The following KIAA1210 variants were observed in gnomAD, a reference collection of about 807,000 sequenced individuals.
KIAA1210 encodes KIAA1210, also known as acrosomal protein KIAA1210.
Under a neutral mutation model 78.9 loss-of-function variants are expected in KIAA1210, and 48 were observed. The observed-to-expected ratio is 0.61, with a 90% CI of 0.48 to 0.77. The LOEUF (loss-of-function observed/expected upper bound fraction) is 0.77, where lower values mean the gene tolerates loss of function less well. Among genes scored for constraint, KIAA1210 ranks in the 30% least tolerant of loss-of-function variants. KIAA1210 has a pLI of 0.00. For missense variants in KIAA1210, 1,108 were observed against 1,100.0 expected, an observed-to-expected ratio of 1.01 and a Z score of -0.10; for synonymous variants, 406 against 404.5, an observed-to-expected ratio of 1.00 and a Z score of -0.04.
At chrX:119,112,742 G>T (rs1390947073) in intron 3 of KIAA1210, among the ~76,000 whole-genome samples, 1 of 111,920 alleles carries the variant, frequency 8.9e-6, no homozygotes, top group Non-Finnish European at 1.9e-5. Flanking sequence ...CCCATACATT[G>T]CTGGTGTTAA....
At chrX:119,099,621 G>A (rs1001919643) in intron 6 of KIAA1210, among the ~76,000 whole-genome samples, 2 of 112,119 alleles carry the variant, frequency 1.8e-5, no homozygotes, top group Non-Finnish European at 3.8e-5. Context: ...TATATGTTAT[G>A]ACTTCCCTTA....
intron 1 of KIAA1210, among the ~76,000 whole-genome samples, chrX:119,127,391 AG>A (rs1928678146): frequency 9.0e-6 from 1 of 111,344 alleles, no homozygotes; most frequent in Non-Finnish European, 1.9e-5. Context: ...ACAAAGAAAG[AG>A]GGCATCTTGG....
intron 7 of KIAA1210, chrX:119,094,198 T>A: frequency 4.1e-6 from 2 of 484,183 alleles, no homozygotes; most frequent in South Asian, 7.7e-5. Flanking sequence ...CAAATCCTTT[T>A]TGGCTTCTTT....
At chrX:119,131,328 G>A (rs191534427), upstream of KIAA1210, among the ~76,000 whole-genome samples, 68 of 111,497 alleles carry the variant, frequency 6.1e-4, 1 homozygote, top group Non-Finnish European at 4.0e-4. Flanking sequence ...TCACTTATAC[G>A]TGGGAGCTAA....
rs368202751 is a variant in KIAA1210, at chrX:119,086,312, A to AC, written c.4156+233_4156+234insG. 7.0e-3 allele frequency among the ~76,000 whole-genome samples: 786 copies of AC among 111,816 alleles called. 3 individuals are homozygous for AC. Among genetic ancestry groups the AC allele is most frequent in the Middle Eastern group, 0.027 (6 of 219 alleles). ...TGGTCATGTGTCTACTATGGAATGT[A>AC]GATGGATGTCCAGAGGGGGATCCCA... On this transcript the variant is annotated intron_variant, in intron 9 of 11. Transcript: ENST00000691062.
Position 119,096,576 on chromosome X carries a change from G to T in KIAA1210, c.764C>A (p.Thr255Asn), listed in dbSNP as rs2147176794. The T allele has an allele frequency of 8.3e-7, 1 of 1,211,592 alleles. No homozygotes were observed. The highest frequency in any genetic ancestry group is 2.2e-5 in the Admixed American group (1 of 46,062). ...LPIGFSTPAT[T>N]QGCLDSSAAR... ...AGCTGAAGAATCCAAACAGCCCTGG[G>T]TGGTGGCTGGGGTGCTGAAACCAAT... The change falls in exon 7 of 12, where the codon ACC becomes AAC. Residue 255 changes from threonine to asparagine, a missense_variant. Coordinates refer to ENST00000691062, the MANE Select transcript of KIAA1210 (RefSeq NM_001394962.1).
intron 2 of KIAA1210, among the ~76,000 whole-genome samples, chrX:119,118,724 A>G (rs1928353966): frequency 8.9e-6 from 1 of 112,410 alleles, no homozygotes; most frequent in African/African-American, 3.2e-5. Flanking sequence ...TCTTCTGAAC[A>G]CCTAAAACTT....
chrX:119,082,561 A>C (rs1252417006), intron 11 of KIAA1210, among the ~76,000 whole-genome samples: 1 of 112,663 alleles, frequency 8.9e-6, no homozygotes, highest in Admixed American at 9.4e-5. Context: ...CCTGCTCAGA[A>C]TACAGAGAAG....
upstream of KIAA1210, among the ~76,000 whole-genome samples, chrX:119,129,138 G>C (rs1419623992): frequency 8.9e-6 from 1 of 112,102 alleles, no homozygotes; most frequent in Non-Finnish European, 1.9e-5. Context: ...ACCCAGAATA[G>C]TGCCTAGAAT....
rs1926936349 is a variant in KIAA1210, at chrX:119,081,097, A to C, written c.*232T>G. ...GCCAACATGGTGAAACCCCGTCTCT[A>C]CTAAAAATACGAAAACAAAATTAGC... is the stretch of plus-strand genomic sequence containing the variant. On this transcript the variant is annotated 3_prime_UTR_variant, in exon 12 of 12. Transcript: ENST00000691062. The C allele has an allele frequency of 8.1e-6, 2 of 246,488 alleles. No individual in the cohort carries two copies. The highest frequency in any genetic ancestry group is 1.4e-4 in the East Asian group (2 of 14,665). 20.3% of individuals were successfully genotyped at this position (246,488 alleles called of 1,213,427 possible). A position where few individuals can be genotyped will look rare whatever the true frequency, so the allele number is the denominator to read the frequency against.
At position 119,109,255 on chromosome X, in the gene KIAA1210, A is replaced by C. The variant is rs764667151; in HGVS notation, c.231-53T>G. On this transcript the variant is annotated intron_variant, in intron 3 of 11. Coordinates refer to ENST00000691062, the MANE Select transcript of KIAA1210 (RefSeq NM_001394962.1). Reference sequence around the variant, plus strand: ...AGCAACCCAAGGGCCATGGGAACTGAAGACAAATGTATATTCATAATATGG... The same window carrying C: ...AGCAACCCAAGGGCCATGGGAACTGCAGACAAATGTATATTCATAATATGG... The C allele has an allele frequency of 5.7e-5, 63 of 1,107,517 alleles. 1 individual carries two copies. The South Asian group carries it at 1.2e-3, about 21-fold the overall frequency. The allele number at this position is 1,107,517 out of a possible 1,213,427, so 91.3% of individuals were successfully genotyped here. A position where few individuals can be genotyped will look rare whatever the true frequency, so the allele number is the denominator to read the frequency against.
chrX:119,108,352 G>A lies in KIAA1210; in HGVS notation c.477C>T (p.Gly159=), dbSNP rs1161578265. 1.7e-6 allele frequency: 2 copies of A among 1,207,275 alleles called. No individual in the cohort carries two copies. The highest frequency in any genetic ancestry group is 2.2e-6 in the Non-Finnish European group (2 of 894,158). ...ACTTTGTTACCTCAGTGATCTTGGGGCCAGCAACCCAGACTGCACTTGTAG... is the reference window on the plus strand; with the variant it reads ...ACTTTGTTACCTCAGTGATCTTGGGACCAGCAACCCAGACTGCACTTGTAG... The part of the protein sequence containing the change: ...NVPTSAVWVA[G]PKITENPPSR... The change falls in exon 5 of 12, where the codon GGC becomes GGT. Residue 159 remains glycine, a synonymous_variant. Transcript: ENST00000691062.
Position 119,089,404 on chromosome X carries a change from C to G in KIAA1210, c.1298G>C (p.Gly433Ala). 4 of 1,211,570 alleles carry G rather than the reference C, an allele frequency of 3.3e-6. No homozygotes were observed. Among genetic ancestry groups the G allele is most frequent in the Non-Finnish European group, 4.5e-6 (4 of 895,371 alleles). Residue 433 changes from glycine (G) to alanine (A), a missense_variant, in exon 9 of 12, where the codon GGG becomes GCG. By Grantham distance (60) the Gly-to-Ala change is moderately conservative. Coordinates refer to ENST00000691062, the MANE Select transcript of KIAA1210 (RefSeq NM_001394962.1). ...CATGTCATCTTTATCTGAAAGCAACCCCTGAGGGGTAGTGGTTTCTGGTTG... is the reference window on the plus strand; with the variant it reads ...CATGTCATCTTTATCTGAAAGCAACGCCTGAGGGGTAGTGGTTTCTGGTTG... ...TSQPETTTPQGLLSDKDDMGR... is the reference protein window; with the variant it reads ...TSQPETTTPQALLSDKDDMGR...
intron 3 of KIAA1210, among the ~76,000 whole-genome samples, chrX:119,114,364 A>T (rs1036501154): frequency 8.9e-6 from 1 of 112,236 alleles, no homozygotes; most frequent in African/African-American, 3.2e-5. Flanking sequence ...TCTGCTATCC[A>T]GGTGGCCCTG....
At position 119,088,040 on chromosome X, in the gene KIAA1210, G is replaced by A; in HGVS notation, c.2662C>T (p.Leu888=). Residue 888 remains leucine (L), a synonymous_variant, in exon 9 of 12, where the codon CTG becomes TTG. Transcript: ENST00000691062. The part of the protein sequence containing the change: ...LSQPSERPKF[L]DSMSTSAEWS... ...TCTGCAGAAGTACTCATTGAGTCCA[G>A]GAACTTAGGCCTCTCCGAGGGCTGG... 1 of 1,211,393 alleles carries A rather than the reference G, an allele frequency of 8.3e-7. No individual in the cohort carries two copies. Among genetic ancestry groups the A allele is most frequent in the Non-Finnish European group, 1.1e-6 (1 of 895,342 alleles).
intron 1 of KIAA1210, among the ~76,000 whole-genome samples, chrX:119,125,959 T>C (rs1365977880): frequency 2.0e-5 from 2 of 100,737 alleles, no homozygotes; most frequent in East Asian, 6.4e-4. Context: ...AAGGGTGCTA[T>C]AGTCATCTGT....
intron 8 of KIAA1210, among the ~76,000 whole-genome samples, chrX:119,091,080 C>T (rs1927352676): frequency 8.9e-6 from 1 of 112,258 alleles, no homozygotes; most frequent in Non-Finnish European, 1.9e-5. Context: ...TATGAATAAA[C>T]AATTCTCAAA....
exon 1 of KIAA1210, chrX:119,150,482 C>T (rs747393355): frequency 3.3e-6 from 4 of 1,211,401 alleles, no homozygotes; most frequent in East Asian, 3.0e-5. Flanking sequence ...CCTGGCCCCT[C>T]GGTCCCTGGG....
chrX:119,130,540 G>A (rs927410719), upstream of KIAA1210, among the ~76,000 whole-genome samples: 2 of 112,791 alleles, frequency 1.8e-5, no homozygotes, highest in South Asian at 3.6e-4. Context: ...CACGCAGGAC[G>A]TGCTCACTAT....
Sources: gnomAD v4.1 joint callset for allele counts (sites outside exome capture counted in the v4.1 genomes callset) on GRCh38, gnomAD v4.1.1 for gene constraint, MANE v1.5 for transcripts, NCBI Gene and HGNC (gene_info 2026-07-23, HGNC 2026-07-21) for gene names.